KPNA4: variants seen among roughly 807,000 people sequenced by gnomAD.
KPNA4 encodes karyopherin subunit alpha 4.
A neutral mutation model predicts 71.3 loss-of-function variants in KPNA4; 13 were observed. The observed-to-expected ratio is 0.18, with a 90% CI of 0.12 to 0.29. The LOEUF (loss-of-function observed/expected upper bound fraction) is 0.29, where lower values mean the gene tolerates loss of function less well. Among genes scored for constraint, KPNA4 ranks in the 10% least tolerant of loss-of-function variants. The probability of loss-of-function intolerance (pLI) is 1.00; values close to 1 mark genes in which losing one functional copy is unlikely to be tolerated. For missense variants in KPNA4, 334 were observed against 603.2 expected (o/e 0.55, Z 4.67); for synonymous variants, 189 against 195.2 (o/e 0.97, Z 0.26).
At chr3:160,504,048 C>T (rs1469930696) in intron 16 of KPNA4, among the ~76,000 whole-genome samples, 2 of 152,042 alleles carry the variant, frequency 1.3e-5, no homozygotes, top group Non-Finnish European at 2.9e-5. Flanking sequence ...TGCGCCAATG[C>T]ACTCCAGCCT....
intron 15 of KPNA4, among the ~76,000 whole-genome samples, chr3:160,507,327 C>T (rs1391290128): frequency 6.6e-6 from 1 of 151,838 alleles, no homozygotes; most frequent in Non-Finnish European, 1.5e-5. Flanking sequence ...GATGAAACCC[C>T]GTCTCTACTA....
intron 11 of KPNA4, among the ~76,000 whole-genome samples, chr3:160,521,241 C>T (rs1195851325): frequency 1.3e-5 from 2 of 152,134 alleles, no homozygotes; most frequent in Non-Finnish European, 2.9e-5. Context: ...AAATAAGTGT[C>T]TGTCAATACT....
At position 160,545,887 on chromosome 3, in the gene KPNA4, A is replaced by G. The variant is rs766836776; in HGVS notation, c.70-9047T>C. On this transcript the variant is annotated intron_variant, in intron 1 of 16. Coordinates refer to ENST00000334256, the MANE Select transcript of KPNA4 (RefSeq NM_002268.5). ...GAACTGTCAAGGAGAGGAAACAATG[A>G]TTTTACGGTTTTTGATCCAAACAAC... Among the ~76,000 whole-genome samples, 5 of 152,158 alleles carry G rather than the reference A, an allele frequency of 3.3e-5. No individual in the cohort carries two copies. In the South Asian group the frequency reaches 6.2e-4, roughly 19 times the overall value.
chr3:160,543,346 AT>A (rs1308469240), intron 1 of KPNA4, among the ~76,000 whole-genome samples: 1 of 151,636 alleles, frequency 6.6e-6, no homozygotes, highest in Non-Finnish European at 1.5e-5. Flanking sequence ...AAACTGTATC[AT>A]TTTTTTCCCC....
chr3:160,536,634 T>C (rs1225619028), intron 2 of KPNA4, among the ~76,000 whole-genome samples, 162 bp downstream of exon 2: 6 of 152,096 alleles, frequency 3.9e-5, no homozygotes, highest in Non-Finnish European at 7.4e-5. Context: ...TGCTTAGCAG[T>C]TGAGATTTTA....
intron 15 of KPNA4, 121 bp downstream of exon 15, chr3:160,507,981 ATTTAC>A: frequency 1.4e-6 from 1 of 713,220 alleles, no homozygotes; most frequent in Non-Finnish European, 2.2e-6. Flanking sequence ...AGAATACAAT[ATTTAC>A]TTTATTCTGT....
At chr3:160,521,646 T>C (rs1721351573) in intron 11 of KPNA4, 133 bp downstream of exon 11, 1 of 811,292 alleles carries the variant, frequency 1.2e-6, no homozygotes, top group African/African-American at 1.7e-5. Context: ...TTATTTATTT[T>C]CCCCTTTCCA....
chr3:160,508,058 T>C, intron 15 of KPNA4, 49 bp downstream of exon 15: 1 of 1,422,130 alleles, frequency 7.0e-7, no homozygotes, highest in Non-Finnish European at 9.6e-7. Context: ...ATAAAGGTAG[T>C]TACAAAGAGA....
At chr3:160,512,096 G>GA (rs1016262443) in intron 13 of KPNA4, among the ~76,000 whole-genome samples, 4 of 152,028 alleles carry the variant, frequency 2.6e-5, no homozygotes, top group Non-Finnish European at 5.9e-5. Context: ...TTCAGGCCTA[G>GA]AAAAAATGAC....
chr3:160,505,569 TA>T (rs1465849869), intron 15 of KPNA4, among the ~76,000 whole-genome samples: 3 of 152,240 alleles, frequency 2.0e-5, no homozygotes, highest in African/African-American at 7.2e-5. Flanking sequence ...TTAATGAGTT[TA>T]AATTATAGGC....
chr3:160,530,776 A>T (rs1157277167), intron 7 of KPNA4, 79 bp downstream of exon 7: 2 of 915,326 alleles, frequency 2.2e-6, no homozygotes, highest in South Asian at 1.5e-5. Flanking sequence ...AAATTGCCAT[A>T]GTCTTTTGGG....
At chr3:160,517,483 T>C (rs1721253242) in intron 11 of KPNA4, among the ~76,000 whole-genome samples, 1 of 152,054 alleles carries the variant, frequency 6.6e-6, no homozygotes, top group Non-Finnish European at 1.5e-5. Context: ...TACCTAAGAG[T>C]AATTAATTGC....
intron 13 of KPNA4, among the ~76,000 whole-genome samples, chr3:160,513,249 GTTTTTTTTTT>G (rs946090860): frequency 2.5e-5 from 2 of 80,626 alleles, no homozygotes; most frequent in Non-Finnish European, 4.6e-5. Flanking sequence ...CTACTTTGTG[GTTTTTTTTTT>G]TTTTTTTTTT....
intron 4 of KPNA4, 29 bp from the exon 5 acceptor site, chr3:160,535,594 A>G: frequency 6.3e-7 from 1 of 1,585,944 alleles, no homozygotes; most frequent in Non-Finnish European, 8.6e-7. Flanking sequence ...TTTATGATGT[A>G]AATATATCAC....
chr3:160,556,064 T>C (rs1332164658), intron 1 of KPNA4, among the ~76,000 whole-genome samples: 1 of 152,216 alleles, frequency 6.6e-6, no homozygotes, highest in Non-Finnish European at 1.5e-5. Flanking sequence ...ACTCCCAACC[T>C]CAGGTGATCC....
In KPNA4 at chr3:160,505,036, T is replaced by C; in HGVS notation, c.1389A>G (p.Glu463=). ...CTTCATTTTCATGATTTTGAAGTTG[T>C]TCAATTTTCTCCAGCCCTGCAAGAA... The part of the protein sequence containing the change: ...IEECGGLEKI[E]QLQNHENEDI... Residue 463 remains glutamate, a synonymous_variant, in exon 16 of 17, where the codon GAA becomes GAG. Coordinates refer to ENST00000334256, the MANE Select transcript of KPNA4 (RefSeq NM_002268.5). 6.4e-7 allele frequency: 1 copy of C among 1,552,350 alleles called. No homozygotes were observed. The highest frequency in any genetic ancestry group is 8.7e-7 in the Non-Finnish European group (1 of 1,148,666).
At chr3:160,530,206 T>C (rs934200547) in intron 7 of KPNA4, among the ~76,000 whole-genome samples, 1 of 147,168 alleles carries the variant, frequency 6.8e-6, no homozygotes, top group Admixed American at 6.8e-5. Flanking sequence ...TGGTGGCTCA[T>C]GCCTATAATC....
chr3:160,557,558 G>A (rs7618974), intron 1 of KPNA4, among the ~76,000 whole-genome samples: 77,008 of 151,958 alleles, frequency 0.51, 20,032 homozygotes, highest in Non-Finnish European at 0.55. Context: ...TACATCATTA[G>A]TTAAAATCTA....
intron 1 of KPNA4, among the ~76,000 whole-genome samples, chr3:160,541,649 G>GCACACACACACA (rs60806533): frequency 4.8e-5 from 7 of 146,756 alleles, no homozygotes; most frequent in South Asian, 2.2e-4. Context: ...TTATATACGC[G>GCACACACACACA]CACACACACA....
Sources: allele counts gnomAD v4.1 joint callset (sites outside exome capture counted in the v4.1 genomes callset), GRCh38; gene constraint gnomAD v4.1.1; transcripts MANE v1.5; gene names NCBI Gene and HGNC (gene_info 2026-07-23, HGNC 2026-07-21).